The following ERAP1 variants were observed in gnomAD, a reference collection of about 807,000 sequenced individuals.
ERAP1 encodes endoplasmic reticulum aminopeptidase 1.
In ERAP1, 86 loss-of-function variants were observed where a neutral mutation model predicts 103.7. The ratio of observed to expected loss-of-function variants is 0.83; its 90% CI spans 0.70 to 0.99. ERAP1 has a LOEUF of 0.99. Ranked by LOEUF, ERAP1 falls within the 50% of genes least tolerant of loss-of-function variation. The probability of loss-of-function intolerance (pLI) is 0.00; values close to 1 mark genes in which losing one functional copy is unlikely to be tolerated. For missense variants in ERAP1, 1,009 were observed against 1,128.4 expected (o/e 0.89, Z 1.52); for synonymous variants, 398 against 402.4 (o/e 0.99, Z 0.13).
the ERAP1 span, among the ~76,000 whole-genome samples, chr5:96,837,529 T>C: frequency 6.6e-6 from 1 of 152,156 alleles, no homozygotes; most frequent in African/African-American, 2.4e-5. Context: ...GGAGCGCAGG[T>C]GGGTGGTGCA....
At chr5:96,912,271 A>T in the ERAP1 span, among the ~76,000 whole-genome samples, 1 of 152,108 alleles carries the variant, frequency 6.6e-6, no homozygotes, top group East Asian at 1.9e-4. Context: ...TCTTTAAAAA[A>T]AAAATCTTAT....
the ERAP1 span, among the ~76,000 whole-genome samples, chr5:96,819,189 G>T: frequency 1.3e-5 from 2 of 152,284 alleles, no homozygotes; most frequent in African/African-American, 4.8e-5. Flanking sequence ...CTCCCAATGT[G>T]CTGGGATTCC....
At chr5:96,810,758 G>GTC (rs1779105397), upstream of ERAP1, among the ~76,000 whole-genome samples, 1 of 152,166 alleles carries the variant, frequency 6.6e-6, no homozygotes, top group South Asian at 2.1e-4. Flanking sequence ...AAAAAATATT[G>GTC]AATTCTAGAT....
At chr5:96,904,929 G>A in the ERAP1 span, among the ~76,000 whole-genome samples, 1 of 152,130 alleles carries the variant, frequency 6.6e-6, no homozygotes, top group Non-Finnish European at 1.5e-5. Flanking sequence ...ATTTCAAGAA[G>A]ATTTCAGGTA....
chr5:96,880,224 A>C, the ERAP1 span: 1 of 1,614,010 alleles, frequency 6.2e-7, no homozygotes, highest in Non-Finnish European at 8.5e-7. Context: ...GAAGGGTTTT[A>C]TAAAAGCACA....
the ERAP1 span, among the ~76,000 whole-genome samples, chr5:96,898,215 ATAAT>A: frequency 1.3e-5 from 2 of 151,972 alleles, no homozygotes; most frequent in Non-Finnish European, 2.9e-5. Flanking sequence ...AATAATAACA[ATAAT>A]TAATAATAAA....
the ERAP1 span, among the ~76,000 whole-genome samples, chr5:96,892,700 C>A: frequency 1.3e-4 from 20 of 152,124 alleles, no homozygotes; most frequent in Admixed American, 7.9e-4. Context: ...GCAAAGCCTT[C>A]AAATGTCATT....
chr5:96,780,285 C>T (rs1273081971), intron 18 of ERAP1, 138 bp downstream of exon 18: 6 of 615,526 alleles, frequency 9.7e-6, no homozygotes, highest in African/African-American at 7.5e-5. Flanking sequence ...GCTGTCAACA[C>T]CATAGCATCC....
At chr5:96,776,765 T>G in intron 18 of ERAP1, 1 of 589,510 alleles carries the variant, frequency 1.7e-6, no homozygotes, top group Non-Finnish European at 2.8e-6. Flanking sequence ...AGTTCTTTTG[T>G]TTATTCTCAG....
the ERAP1 span, chr5:96,918,434 C>G: frequency 6.6e-6 from 1 of 152,162 alleles, no homozygotes; most frequent in African/African-American, 2.4e-5. Flanking sequence ...TTATTAGAAA[C>G]TAGGTGTCAG....
the ERAP1 span, among the ~76,000 whole-genome samples, chr5:96,933,317 A>AT: frequency 6.8e-6 from 1 of 146,452 alleles, no homozygotes; most frequent in South Asian, 2.2e-4. Flanking sequence ...TCCCGGGTTC[A>AT]AGTGATTCTC....
chr5:96,808,864 T>C (rs572139980), upstream of ERAP1, among the ~76,000 whole-genome samples: 6 of 152,282 alleles, frequency 3.9e-5, no homozygotes, highest in African/African-American at 1.4e-4. Context: ...AAGAGAGGGT[T>C]CTTGGATTTT....
At chr5:96,770,730 C>A, downstream of ERAP1, 1 of 616,924 alleles carries the variant, frequency 1.6e-6, no homozygotes, top group South Asian at 1.9e-5. Flanking sequence ...CTATCTATCC[C>A]ATAGCATCGC....
chr5:96,915,245 G>A, the ERAP1 span, among the ~76,000 whole-genome samples: 1 of 152,122 alleles, frequency 6.6e-6, no homozygotes, highest in Admixed American at 6.5e-5. Flanking sequence ...CTGACCTCAG[G>A]TGATCCACCC....
intron 18 of ERAP1, among the ~76,000 whole-genome samples, chr5:96,778,997 T>C (rs1054384813): frequency 6.6e-6 from 1 of 152,206 alleles, no homozygotes; most frequent in Admixed American, 6.5e-5. Flanking sequence ...TGATATTTCC[T>C]CTGCACACAA....
At chr5:96,821,556 C>A in the ERAP1 span, among the ~76,000 whole-genome samples, 1 of 152,144 alleles carries the variant, frequency 6.6e-6, no homozygotes, top group African/African-American at 2.4e-5. Context: ...GCAGAGTATC[C>A]TTTATCTATG....
chr5:96,931,037 G>T, the ERAP1 span, among the ~76,000 whole-genome samples: 1 of 152,154 alleles, frequency 6.6e-6, no homozygotes, highest in African/African-American at 2.4e-5. Flanking sequence ...TGGTTAGTAT[G>T]GCTATCTTGA....
At chr5:96,871,992 T>A in the ERAP1 span, among the ~76,000 whole-genome samples, 1 of 152,186 alleles carries the variant, frequency 6.6e-6, no homozygotes, top group South Asian at 2.1e-4. Context: ...CTCTGAGTCT[T>A]TATACTAACA....
At chr5:96,903,554 T>C in the ERAP1 span, 1 of 1,595,150 alleles carries the variant, frequency 6.3e-7, no homozygotes, top group Non-Finnish European at 8.5e-7. Context: ...GTGTTTCAGC[T>C]AGTTGGGTAA....
Sources: allele counts gnomAD v4.1 joint callset (sites outside exome capture counted in the v4.1 genomes callset), GRCh38; gene constraint gnomAD v4.1.1; transcripts MANE v1.5; gene names NCBI Gene and HGNC (gene_info 2026-07-23, HGNC 2026-07-21).